The following PDE11A variants were observed in gnomAD, a reference collection of about 807,000 sequenced individuals.
PDE11A encodes the protein phosphodiesterase 11A.
A neutral mutation model predicts 100.5 loss-of-function variants in PDE11A; 100 were observed. The observed-to-expected ratio is 1.00, with a 90% CI of 0.85 to 1.18. The LOEUF (loss-of-function observed/expected upper bound fraction) is 1.18. PDE11A is among the 50% of genes most tolerant of loss of function. The pLI is 0.00. For synonymous variants in PDE11A, 381 were observed against 420.8 expected (o/e 0.91, Z 1.16); for missense variants, 1,141 against 1,152.6 (o/e 0.99, Z 0.15).
At chr2:177,819,660 C>A (rs1411434421) in intron 7 of PDE11A, among the ~76,000 whole-genome samples, 2 of 151,974 alleles carry the variant, frequency 1.3e-5, no homozygotes, top group Admixed American at 6.6e-5. Flanking sequence ...CAGAACTGCC[C>A]AGGCAGAAAA....
intron 5 of PDE11A, among the ~76,000 whole-genome samples, chr2:177,863,245 G>T (rs1208945928): frequency 6.6e-6 from 1 of 151,882 alleles, no homozygotes; most frequent in East Asian, 1.9e-4. Context: ...ATAACATAGG[G>T]AGAAAAGTCC....
chr2:177,957,156 C>T (rs1476310306), intron 2 of PDE11A, among the ~76,000 whole-genome samples: 1 of 152,024 alleles, frequency 6.6e-6, no homozygotes, highest in Admixed American at 6.6e-5. Context: ...AAAATTATGT[C>T]ATCAACTGCA....
In PDE11A at chr2:177,701,190, T is replaced by G. The variant is rs754133858; in HGVS notation, c.2175A>C (p.Gln725His). The G allele has an allele frequency of 5.0e-6, 8 of 1,599,534 alleles. No homozygotes were observed. The South Asian group carries it at 8.8e-5, about 18-fold the overall frequency. ...CCAAGGTAGCAGAGGTTCCATAGAG[T>G]TGGGCCAGGGCAGAGCCACTCCTGA... is the stretch of plus-strand genomic sequence containing the variant. ...FQAKSGSALAQLYGTSATLEH... is the reference protein window; with the variant it reads ...FQAKSGSALAHLYGTSATLEH... Residue 725 changes from glutamine to histidine, a missense_variant, in exon 14 of 20, where the codon CAA (glutamine) becomes CAC (histidine). By Grantham distance (24) the Gln-to-His change is conservative. Transcript: ENST00000286063.
chr2:177,849,090 T>C (rs2083653117), intron 5 of PDE11A, among the ~76,000 whole-genome samples: 1 of 152,224 alleles, frequency 6.6e-6, no homozygotes, highest in African/African-American at 2.4e-5. Flanking sequence ...TACTAAGTGC[T>C]GGACAGGAGT....
chr2:177,878,527 C>T (rs1289924637), intron 4 of PDE11A, among the ~76,000 whole-genome samples: 1 of 152,100 alleles, frequency 6.6e-6, no homozygotes, highest in African/African-American at 2.4e-5. Flanking sequence ...GGGAGCCAAA[C>T]CACATAGAGA....
chr2:178,104,614 G>C (rs2087597920), intron 1 of PDE11A: 1 of 690,992 alleles, frequency 1.4e-6, no homozygotes, highest in Non-Finnish European at 2.4e-6. Flanking sequence ...TTTAAAGCAT[G>C]CAAGCTTTAA....
chr2:177,713,987 C>T (rs377123722), intron 12 of PDE11A, among the ~76,000 whole-genome samples: 9 of 77,400 alleles, frequency 1.2e-4, no homozygotes, highest in Admixed American at 2.3e-4. Context: ...TTTCTTTTTT[C>T]TTTTTTTTTT....
intron 9 of PDE11A, among the ~76,000 whole-genome samples, chr2:177,799,854 T>A (rs1422288641): frequency 6.6e-6 from 1 of 152,160 alleles, no homozygotes; most frequent in Non-Finnish European, 1.5e-5. Flanking sequence ...GTTTTTGAAG[T>A]ATTCGCTTTC....
Position 177,626,999 on chromosome 2 carries a change from C to CT in PDE11A, c.*2407dup, listed in dbSNP as rs2079844006. The CT allele has an allele frequency of 8.8e-6, 1 of 113,116 alleles. No individual in the cohort carries two copies. Among genetic ancestry groups the CT allele is most frequent in the Non-Finnish European group, 1.8e-5 (1 of 55,390 alleles). 7.0% of individuals were successfully genotyped at this position (113,116 alleles called of 1,614,324 possible). A position where few individuals can be genotyped will look rare whatever the true frequency, so the allele number is the denominator to read the frequency against. The stretch of plus-strand genomic sequence containing the variant: ...TCTTTTTCTTCTTGCTTTTATTCCC[C>CT]TCTTAGTCTGGTTTATACTTTTTTT... On this transcript the variant is annotated 3_prime_UTR_variant, in exon 20 of 20. Coordinates refer to ENST00000286063, the MANE Select transcript of PDE11A (RefSeq NM_016953.4).
chr2:177,802,196 C>T (rs1436580704), intron 9 of PDE11A, among the ~76,000 whole-genome samples: 1 of 151,998 alleles, frequency 6.6e-6, no homozygotes, highest in African/African-American at 2.4e-5. Flanking sequence ...AAATTAAAAT[C>T]AATGATAGCA....
intron 1 of PDE11A, among the ~76,000 whole-genome samples, chr2:178,057,600 A>G (rs891408831): frequency 3.3e-5 from 5 of 152,198 alleles, no homozygotes; most frequent in African/African-American, 1.2e-4. Context: ...TCTTTGCTCC[A>G]ACATTGCCAT....
chr2:178,059,825 C>T lies in PDE11A; in HGVS notation c.912+11701G>A, dbSNP rs368025948. 5.9e-5 allele frequency among the ~76,000 whole-genome samples: 9 copies of T among 152,274 alleles called. No homozygotes were observed. In the South Asian group the frequency reaches 1.9e-3, roughly 32 times the overall value. On this transcript the variant is annotated intron_variant, in intron 1 of 19. Coordinates refer to ENST00000286063, the MANE Select transcript of PDE11A (RefSeq NM_016953.4). ...CACACAAGCACAGGCCTGTGAAAAT[C>T]ATGACCTGCTGGAGAGGACGCTCAC... is the stretch of plus-strand genomic sequence containing the variant.
chr2:177,633,971 A>G (rs2105436492), intron 19 of PDE11A, among the ~76,000 whole-genome samples: 1 of 152,216 alleles, frequency 6.6e-6, no homozygotes, highest in Non-Finnish European at 1.5e-5. Flanking sequence ...TTACTTATTA[A>G]ATTCCTGTAA....
chr2:177,853,680 A>ATGTGTGTGTGTGTG (rs1212022176), intron 5 of PDE11A, among the ~76,000 whole-genome samples: 3 of 36,508 alleles, frequency 8.2e-5, no homozygotes, highest in Non-Finnish European at 5.2e-5. Context: ...ATATATATAT[A>ATGTGTGTGTGTGTG]TGTGTGTGTG....
intron 10 of PDE11A, among the ~76,000 whole-genome samples, chr2:177,736,693 C>T: frequency 6.6e-6 from 1 of 152,148 alleles, no homozygotes; most frequent in South Asian, 2.1e-4. Context: ...AGGCAAAGGA[C>T]TCCCATGTTG....
At chr2:177,897,780 T>A (rs1462095787) in intron 4 of PDE11A, among the ~76,000 whole-genome samples, 1 of 152,162 alleles carries the variant, frequency 6.6e-6, no homozygotes, top group Non-Finnish European at 1.5e-5. Context: ...GTTGGGCAAA[T>A]CACTGAACCC....
chr2:177,878,884 C>A (rs2084284736), intron 4 of PDE11A, among the ~76,000 whole-genome samples: 1 of 152,148 alleles, frequency 6.6e-6, no homozygotes, highest in Non-Finnish European at 1.5e-5. Context: ...TATTGAGTAC[C>A]TCCTATATGC....
At chr2:177,653,642 C>T (rs1410770819) in intron 19 of PDE11A, among the ~76,000 whole-genome samples, 5 of 152,108 alleles carry the variant, frequency 3.3e-5, no homozygotes, top group Non-Finnish European at 5.9e-5. Flanking sequence ...CACAAAAGAA[C>T]GTTATGTGAA....
intron 9 of PDE11A, among the ~76,000 whole-genome samples, chr2:177,809,415 T>C (rs1422337934): frequency 6.6e-6 from 1 of 152,118 alleles, no homozygotes; most frequent in Non-Finnish European, 1.5e-5. Flanking sequence ...GAGAATGGAT[T>C]ATAAGCTGTT....
Sources: gnomAD v4.1 joint callset for allele counts (sites outside exome capture counted in the v4.1 genomes callset) on GRCh38, gnomAD v4.1.1 for gene constraint, MANE v1.5 for transcripts, NCBI Gene and HGNC (gene_info 2026-07-23, HGNC 2026-07-21) for gene names.